The following ERBB4 variants were observed in gnomAD, a reference collection of about 807,000 sequenced individuals.
ERBB4 encodes the protein receptor tyrosine-protein kinase erbB-4.
ERBB4 carries 42 observed loss-of-function variants against 158.0 expected under a neutral mutation model. The ratio of observed to expected loss-of-function variants is 0.27; its 90% CI spans 0.21 to 0.34. The LOEUF is 0.34. ERBB4 is among the 10% of genes least tolerant of loss of function. The pLI is 1.00. For missense variants in ERBB4, 1,333 were observed against 1,624.1 expected (o/e 0.82, Z 3.08); for synonymous variants, 583 against 558.7 (o/e 1.04, Z -0.61).
At chr2:212,249,328 T>C (rs551427855) in intron 1 of ERBB4, among the ~76,000 whole-genome samples, 1 of 151,828 alleles carries the variant, frequency 6.6e-6, no homozygotes, top group East Asian at 1.9e-4. Context: ...TGTTTTTATA[T>C]AATAATGGAG....
At chr2:211,486,253 G>A (rs143716700) in intron 20 of ERBB4, among the ~76,000 whole-genome samples, 35 of 151,812 alleles carry the variant, frequency 2.3e-4, no homozygotes, top group African/African-American at 2.9e-4. Context: ...CTCCCTTTTC[G>A]TTCCCAGGTG....
rs1213089379 is a variant in ERBB4, at chr2:211,891,897, A to C, written c.421+55533T>G. 3.7e-5 allele frequency among the ~76,000 whole-genome samples: 5 copies of C among 136,654 alleles called. 1 individual carries two copies. Among genetic ancestry groups the C allele is most frequent in the South Asian group, 4.7e-4 (2 of 4,236 alleles). The allele number at this position is 136,654 out of a possible 152,430, so 89.7% of individuals were successfully genotyped here. ...CTGAATAGACCAATAACAGGAGCTG[A>C]AATTGTGGCAATAATCGATAGTTTA... On this transcript the variant is annotated intron_variant, in intron 3 of 27. Transcript: ENST00000342788.
At chr2:212,358,203 T>C (rs564081545) in intron 1 of ERBB4, among the ~76,000 whole-genome samples, 1 of 152,000 alleles carries the variant, frequency 6.6e-6, no homozygotes, top group Admixed American at 6.6e-5. Context: ...GGAGAATTCA[T>C]AAAATACTTA....
intron 19 of ERBB4, among the ~76,000 whole-genome samples, chr2:211,600,062 T>C (rs1259333204): frequency 6.6e-6 from 1 of 152,176 alleles, no homozygotes; most frequent in African/African-American, 2.4e-5. Flanking sequence ...TGCTGTTCAT[T>C]ATAAGGGAAG....
intron 1 of ERBB4, among the ~76,000 whole-genome samples, chr2:212,130,358 T>C (rs2080072899): frequency 6.6e-6 from 1 of 152,154 alleles, no homozygotes; most frequent in Admixed American, 6.5e-5. Context: ...CAAATGTAGC[T>C]ATACTTCCAA....
chr2:211,564,537 TCA>T, intron 19 of ERBB4, among the ~76,000 whole-genome samples: 1 of 152,310 alleles, frequency 6.6e-6, no homozygotes, highest in East Asian at 1.9e-4. Flanking sequence ...TTCAAAATTC[TCA>T]AAGTTTTGTT....
At chr2:211,664,989 A>G (rs549950207) in intron 15 of ERBB4, among the ~76,000 whole-genome samples, 4 of 152,318 alleles carry the variant, frequency 2.6e-5, no homozygotes, top group African/African-American at 9.6e-5. Context: ...AAACCTCAAA[A>G]GCATGATTAC....
Position 211,749,644 on chromosome 2 carries a change from T to C in ERBB4, c.622+995A>G, listed in dbSNP as rs2075069988. 5.3e-5 allele frequency among the ~76,000 whole-genome samples: 8 copies of C among 152,186 alleles called. No homozygotes were observed. In the South Asian group the frequency reaches 1.7e-3, roughly 31 times the overall value. On this transcript the variant is annotated intron_variant, in intron 5 of 27. Transcript: ENST00000342788. ...GGAAATATTTTTCCTATATTTTTAT[T>C]CTTTGGTGGTTCACAATAAAATAAT...
At chr2:211,654,996 T>C (rs1044940817) in intron 16 of ERBB4, among the ~76,000 whole-genome samples, 10 of 152,216 alleles carry the variant, frequency 6.6e-5, no homozygotes, top group Non-Finnish European at 1.3e-4. Context: ...CCAATCATGC[T>C]TTTGTTTAAA....
intron 18 of ERBB4, among the ~76,000 whole-genome samples, chr2:211,621,797 TCTTCATAAA>T (rs2069615123): frequency 6.6e-6 from 1 of 152,204 alleles, no homozygotes; most frequent in Non-Finnish European, 1.5e-5. Context: ...CTATTTCTGT[TCTTCATAAA>T]CACATAAATT....
At chr2:212,466,499 G>A (rs1457647741) in intron 1 of ERBB4, among the ~76,000 whole-genome samples, 1 of 152,162 alleles carries the variant, frequency 6.6e-6, no homozygotes, top group Non-Finnish European at 1.5e-5. Flanking sequence ...TGGGTCTCAT[G>A]AGATCTGGTG....
At chr2:211,533,032 A>AATATAT (rs10635576) in intron 20 of ERBB4, among the ~76,000 whole-genome samples, 106,159 of 150,002 alleles carry the variant, frequency 0.71, 37,693 homozygotes, top group East Asian at 0.83. Context: ...TATTATAAAT[A>AATATAT]ATAAAGTGGT....
chr2:212,045,005 A>C (rs1259360960), intron 2 of ERBB4, among the ~76,000 whole-genome samples: 1 of 152,190 alleles, frequency 6.6e-6, no homozygotes, highest in East Asian at 1.9e-4. Context: ...AGTTAACATA[A>C]TAGCCATCAA....
intron 4 of ERBB4, among the ~76,000 whole-genome samples, chr2:211,785,833 T>G (rs943344605): frequency 2.6e-5 from 4 of 152,284 alleles, no homozygotes; most frequent in Middle Eastern, 3.4e-3. Context: ...CAACCTAACT[T>G]ATTTTCCTTG....
At chr2:211,942,758 C>T (rs948877061) in intron 3 of ERBB4, among the ~76,000 whole-genome samples, 9 of 151,922 alleles carry the variant, frequency 5.9e-5, no homozygotes, top group Admixed American at 6.6e-5. Flanking sequence ...AAATATATAG[C>T]GTATTCAGCT....
intron 2 of ERBB4, among the ~76,000 whole-genome samples, chr2:212,089,306 C>A (rs2078705035): frequency 1.3e-5 from 2 of 152,082 alleles, no homozygotes; most frequent in African/African-American, 4.8e-5. Context: ...AAGTTCCAAT[C>A]AACATTTAAA....
At chr2:212,195,545 C>A (rs2082401667) in intron 1 of ERBB4, among the ~76,000 whole-genome samples, 1 of 151,816 alleles carries the variant, frequency 6.6e-6, no homozygotes, top group Non-Finnish European at 1.5e-5. Flanking sequence ...ATATGTAAAT[C>A]AATTTAGGCT....
chr2:212,304,509 T>C (rs1169968270), intron 1 of ERBB4, among the ~76,000 whole-genome samples: 1 of 151,460 alleles, frequency 6.6e-6, no homozygotes, highest in African/African-American at 2.4e-5. Context: ...CAGAGACTTA[T>C]TTCTACCAAT....
At chr2:211,849,469 A>G (rs1402162848) in intron 3 of ERBB4, among the ~76,000 whole-genome samples, 1 of 151,966 alleles carries the variant, frequency 6.6e-6, no homozygotes, top group Non-Finnish European at 1.5e-5. Flanking sequence ...GTAATAACAC[A>G]TAATTATTTT....
Sources: gnomAD v4.1 joint callset for allele counts (sites outside exome capture counted in the v4.1 genomes callset) on GRCh38, gnomAD v4.1.1 for gene constraint, MANE v1.5 for transcripts, NCBI Gene and HGNC (gene_info 2026-07-23, HGNC 2026-07-21) for gene names.